The following AOPEP variants were observed in gnomAD, a reference collection of about 807,000 sequenced individuals.
The protein encoded by AOPEP is aminopeptidase O.
In AOPEP, 77 loss-of-function variants were observed where a neutral mutation model predicts 98.1. The observed-to-expected ratio is 0.78, with a 90% CI of 0.65 to 0.95. The LOEUF (loss-of-function observed/expected upper bound fraction) is 0.95, where lower values mean the gene tolerates loss of function less well. Ranked by LOEUF, AOPEP falls within the 40% of genes least tolerant of loss-of-function variation. The pLI is 0.00. For missense variants in AOPEP, 1,024 were observed against 1,024.7 expected, an observed-to-expected ratio of 1.00 and a Z score of 0.01; for synonymous variants, 346 against 365.3, an observed-to-expected ratio of 0.95 and a Z score of 0.60.
chr9:95,020,533 T>A (rs558065653), intron 13 of AOPEP, among the ~76,000 whole-genome samples: 5 of 152,158 alleles, frequency 3.3e-5, no homozygotes, highest in African/African-American at 9.6e-5. Context: ...CATGTTACAT[T>A]AGTGGATTTT....
intron 5 of AOPEP, among the ~76,000 whole-genome samples, chr9:94,898,557 C>G (rs1043829178): frequency 1.3e-5 from 2 of 151,748 alleles, no homozygotes; most frequent in Non-Finnish European, 2.9e-5. Flanking sequence ...CGCTTGAACC[C>G]AGGAGGTGGA....
At chr9:95,123,889 T>G in the AOPEP span, 1 of 512,788 alleles carries the variant, frequency 2.0e-6, no homozygotes, top group Admixed American at 2.5e-5. Context: ...CCTTAAAGTC[T>G]GAAGACGGAC....
the AOPEP span, chr9:95,111,071 C>A: frequency 4.0e-6 from 6 of 1,493,052 alleles, no homozygotes; most frequent in Non-Finnish European, 5.3e-6. Context: ...TGCTGGGGAG[C>A]GAGACAGGGC....
intron 5 of AOPEP, among the ~76,000 whole-genome samples, chr9:94,922,784 C>T (rs981991052): frequency 3.3e-5 from 5 of 152,200 alleles, no homozygotes; most frequent in Admixed American, 1.3e-4. Context: ...TTTTCATTTG[C>T]ATGCCTGCCC....
At chr9:95,074,535 G>A (rs968318443) in intron 14 of AOPEP, among the ~76,000 whole-genome samples, 1 of 152,152 alleles carries the variant, frequency 6.6e-6, no homozygotes, top group South Asian at 2.1e-4. Context: ...GTGTTACCCC[G>A]ACCTGTACGC....
chr9:94,745,432 T>G (rs1265190130), intron 1 of AOPEP, among the ~76,000 whole-genome samples: 1 of 152,140 alleles, frequency 6.6e-6, no homozygotes, highest in South Asian at 2.1e-4. Flanking sequence ...CCTGCCACCA[T>G]GCCCGGCTAA....
At chr9:95,125,735 T>C in the AOPEP span, among the ~76,000 whole-genome samples, 1 of 152,232 alleles carries the variant, frequency 6.6e-6, no homozygotes, top group Non-Finnish European at 1.5e-5. Context: ...GGTGAGTTAT[T>C]GTCACAGTAA....
chr9:95,062,420 G>A (rs1173123022), intron 14 of AOPEP, among the ~76,000 whole-genome samples: 1 of 152,216 alleles, frequency 6.6e-6, no homozygotes, highest in Non-Finnish European at 1.5e-5. Flanking sequence ...GCTGCCTCCA[G>A]CTGTTCCTGC....
intron 5 of AOPEP, among the ~76,000 whole-genome samples, chr9:94,822,763 C>T (rs865795392): frequency 6.6e-6 from 1 of 152,182 alleles, no homozygotes; most frequent in Admixed American, 6.5e-5. Context: ...CTCTGTGCCT[C>T]GTGTTGCGCT....
chr9:94,814,249 G>A (rs560539354), intron 5 of AOPEP, among the ~76,000 whole-genome samples: 1 of 152,296 alleles, frequency 6.6e-6, no homozygotes, highest in South Asian at 2.1e-4. Flanking sequence ...CCCAAATCCT[G>A]CAAAATCTTG....
chr9:95,042,327 AATAAATAAATAAATAC>A lies in AOPEP; in HGVS notation c.2116-18359_2116-18344del, dbSNP rs1330095310. On this transcript the variant is annotated intron_variant, in intron 13 of 16. Coordinates refer to ENST00000375315, the MANE Select transcript of AOPEP (RefSeq NM_001193329.3). ...ACTCTGTCTCAAAAATAAATAAATA[AATAAATAAATAAATAC>A]ATAAATACATAAATAAATAAATAAA... Among the ~76,000 whole-genome samples the A allele has an allele frequency of 2.8e-4, 43 of 151,390 alleles. No homozygotes were observed. In the East Asian group the frequency reaches 5.8e-3, roughly 21 times the overall value.
At chr9:94,812,670 G>A (rs552098435) in intron 5 of AOPEP, among the ~76,000 whole-genome samples, 2 of 152,190 alleles carry the variant, frequency 1.3e-5, no homozygotes, top group South Asian at 4.2e-4. Context: ...GGAGAGAAAT[G>A]GCATTCACTC....
chr9:94,878,346 T>A (rs998888731), intron 5 of AOPEP, among the ~76,000 whole-genome samples: 2 of 150,592 alleles, frequency 1.3e-5, no homozygotes, highest in Non-Finnish European at 3.0e-5. Context: ...GGCCCTTTTG[T>A]GTTGTGAGAT....
intron 13 of AOPEP, among the ~76,000 whole-genome samples, chr9:95,053,247 CAG>C (rs1455875318): frequency 6.6e-6 from 1 of 152,134 alleles, no homozygotes; most frequent in East Asian, 1.9e-4. Context: ...GAGGGGAAGC[CAG>C]AGAGTTCAGG....
intron 7 of AOPEP, among the ~76,000 whole-genome samples, chr9:94,950,612 G>A (rs1332323831): frequency 6.6e-6 from 1 of 152,226 alleles, no homozygotes; most frequent in Non-Finnish European, 1.5e-5. Context: ...TGCTCTCAAA[G>A]CTGTCAAACC....
the AOPEP span, among the ~76,000 whole-genome samples, chr9:95,139,920 T>C: frequency 1.3e-5 from 2 of 150,400 alleles, no homozygotes; most frequent in Non-Finnish European, 3.0e-5. Context: ...AAAAAATGTT[T>C]TTAGGGAAAC....
chr9:94,908,181 C>T (rs1024564468), intron 5 of AOPEP, among the ~76,000 whole-genome samples: 2 of 152,128 alleles, frequency 1.3e-5, no homozygotes, highest in Non-Finnish European at 2.9e-5. Context: ...CATCCGCTGC[C>T]ACCTCTCCAA....
chr9:94,801,080 T>G, intron 5 of AOPEP, 78 bp downstream of exon 5: 77 of 1,441,314 alleles, frequency 5.3e-5, no homozygotes, highest in Non-Finnish European at 7.0e-5. Context: ...CCTTGAGCTC[T>G]GTCAGAGCAG....
chr9:95,120,324 T>C, the AOPEP span, among the ~76,000 whole-genome samples: 3 of 152,328 alleles, frequency 2.0e-5, no homozygotes, highest in Middle Eastern at 3.4e-3. Context: ...TGGCCACATA[T>C]GTATGGGTCT....
Sources: gnomAD v4.1 joint callset for allele counts (sites outside exome capture counted in the v4.1 genomes callset) on GRCh38, gnomAD v4.1.1 for gene constraint, MANE v1.5 for transcripts, NCBI Gene and HGNC (gene_info 2026-07-23, HGNC 2026-07-21) for gene names.